Variants in LRFN2 observed in about 807,000 individuals in gnomAD.
The protein encoded by LRFN2 is leucine rich repeat and fibronectin type III domain containing 2, also known as leucine-rich repeat and fibronectin type-III domain-containing protein 2.
In LRFN2, 18 loss-of-function variants were observed where a neutral mutation model predicts 37.3. The ratio of observed to expected loss-of-function variants is 0.48; its 90% confidence interval spans 0.33 to 0.72. LRFN2 has a LOEUF of 0.72. LRFN2 is among the 30% of genes least tolerant of loss of function. LRFN2 has a pLI of 0.02. For synonymous variants in LRFN2, 556 were observed against 466.6 expected, an observed-to-expected ratio of 1.19 and a Z score of -2.47; for missense variants, 1,006 against 1,060.7, an observed-to-expected ratio of 0.95 and a Z score of 0.72.
intron 1 of LRFN2, among the ~76,000 whole-genome samples, chr6:40,584,864 C>A (rs1209044156): frequency 6.6e-6 from 1 of 151,996 alleles, no homozygotes; most frequent in African/African-American, 2.4e-5. Flanking sequence ...AGAGCAATTC[C>A]TCCTTCAGTC....
At chr6:40,417,696 G>A (rs1763126440) in intron 2 of LRFN2, among the ~76,000 whole-genome samples, 1 of 152,130 alleles carries the variant, frequency 6.6e-6, no homozygotes, top group Admixed American at 6.5e-5. Flanking sequence ...GAGGTTCCCA[G>A]GCTGGGCAGA....
chr6:40,538,173 G>C (rs169531), intron 1 of LRFN2, among the ~76,000 whole-genome samples: 15,442 of 152,228 alleles, frequency 0.1, 817 homozygotes, highest in South Asian at 0.11. Context: ...TAAATCTCAT[G>C]AACCCTAGGC....
At chr6:40,529,042 A>T (rs1032062286) in intron 1 of LRFN2, among the ~76,000 whole-genome samples, 19 of 152,198 alleles carry the variant, frequency 1.2e-4, no homozygotes, top group Admixed American at 1.1e-3. Flanking sequence ...ATTTGTCCTG[A>T]TCCTCCCTAT....
At position 40,432,236 on chromosome 6, in the gene LRFN2, T is replaced by A. The variant is rs1230335758; in HGVS notation, c.878A>T (p.Gln293Leu). 1 of 1,613,994 alleles carries A rather than the reference T, an allele frequency of 6.2e-7. No individual in the cohort carries two copies. The highest frequency in any genetic ancestry group is 8.5e-7 in the Non-Finnish European group (1 of 1,180,018). ...CAGAACCAGCAACTTGTGTGTGTGCTGGGTGATGAGAGGCGGCTCGCACAC... is the reference window on the plus strand; with the variant it reads ...CAGAACCAGCAACTTGTGTGTGTGCAGGGTGATGAGAGGCGGCTCGCACAC... ...EFVCEPPLIT[Q>L]HTHKLLVLEG... Residue 293 changes from glutamine (Q) to leucine (L), a missense_variant, in exon 2 of 3, where the codon CAG becomes CTG. By Grantham distance (113) the Gln-to-Leu change is moderately radical. This residue lies in a region of LRFN2 where 303 missense variants were observed against 299.8 expected (regional missense o/e 1.01). Coordinates refer to ENST00000338305, the MANE Select transcript of LRFN2 (RefSeq NM_020737.3).
At chr6:40,433,823 AG>A (rs1172327289) in intron 1 of LRFN2, among the ~76,000 whole-genome samples, 5 of 152,142 alleles carry the variant, frequency 3.3e-5, no homozygotes, top group East Asian at 3.9e-4. Context: ...TGGGAGGCAA[AG>A]GAGTGAATTC....
intron 1 of LRFN2, among the ~76,000 whole-genome samples, chr6:40,454,978 G>T (rs750192597): frequency 6.6e-6 from 1 of 152,106 alleles, no homozygotes; most frequent in African/African-American, 2.4e-5. Context: ...TTTTTGAAAG[G>T]TTTCTCTTAG....
chr6:40,482,574 T>C (rs1032596402), intron 1 of LRFN2, among the ~76,000 whole-genome samples: 1 of 152,224 alleles, frequency 6.6e-6, no homozygotes, highest in East Asian at 1.9e-4. Context: ...CTTTTTTAAA[T>C]TTCTTTTTCT....
intron 1 of LRFN2, among the ~76,000 whole-genome samples, chr6:40,562,391 G>C (rs767240289): frequency 2.1e-4 from 32 of 152,046 alleles, no homozygotes; most frequent in Non-Finnish European, 3.7e-4. Context: ...GGGGTTGGAT[G>C]AGTAGGAATA....
At chr6:40,568,655 TG>T (rs1254702134) in intron 1 of LRFN2, among the ~76,000 whole-genome samples, 1 of 151,766 alleles carries the variant, frequency 6.6e-6, no homozygotes, top group African/African-American at 2.4e-5. Flanking sequence ...TTATTCCCAG[TG>T]TCACTGGGTT....
intron 1 of LRFN2, among the ~76,000 whole-genome samples, chr6:40,523,080 C>A (rs967097964): frequency 2.0e-5 from 3 of 152,158 alleles, no homozygotes; most frequent in African/African-American, 7.2e-5. Flanking sequence ...TAGGTGTGAG[C>A]TTTCCTTTTG....
chr6:40,556,023 C>T (rs768736666), intron 1 of LRFN2, among the ~76,000 whole-genome samples: 23 of 152,354 alleles, frequency 1.5e-4, no homozygotes, highest in Non-Finnish European at 3.1e-4. Context: ...GGAGAATGCA[C>T]TCTGTTCCAG....
At chr6:40,543,185 G>A (rs560874846) in intron 1 of LRFN2, among the ~76,000 whole-genome samples, 1 of 152,190 alleles carries the variant, frequency 6.6e-6, no homozygotes, top group African/African-American at 2.4e-5. Context: ...ATGCATGAAC[G>A]CCTTCCGACT....
At chr6:40,543,106 G>A (rs1043665627) in intron 1 of LRFN2, among the ~76,000 whole-genome samples, 5 of 152,258 alleles carry the variant, frequency 3.3e-5, no homozygotes, top group Non-Finnish European at 5.9e-5. Flanking sequence ...ATATTCTGAA[G>A]TAATCTTGAA....
chr6:40,446,554 G>A (rs1305671831), intron 1 of LRFN2, among the ~76,000 whole-genome samples: 1 of 152,200 alleles, frequency 6.6e-6, no homozygotes, highest in East Asian at 1.9e-4. Flanking sequence ...TGTCACTAGG[G>A]CTAAGTGTAT....
chr6:40,466,273 G>C (rs985918328), intron 1 of LRFN2, among the ~76,000 whole-genome samples: 2 of 152,184 alleles, frequency 1.3e-5, no homozygotes, highest in Non-Finnish European at 2.9e-5. Flanking sequence ...ATAAAGGGAG[G>C]GAAAAGCAGG....
chr6:40,441,193 G>A (rs1445298649), intron 1 of LRFN2, among the ~76,000 whole-genome samples: 1 of 152,186 alleles, frequency 6.6e-6, no homozygotes, highest in Non-Finnish European at 1.5e-5. Context: ...GGGCTGTGCG[G>A]CACTCGCCGT....
intron 1 of LRFN2, among the ~76,000 whole-genome samples, chr6:40,473,761 C>T (rs9462625): frequency 0.014 from 2,076 of 152,174 alleles, 50 homozygotes; most frequent in African/African-American, 0.047. Flanking sequence ...CAAGCCTCGG[C>T]GTATGATGTT....
At chr6:40,555,896 A>C (rs756485163) in intron 1 of LRFN2, among the ~76,000 whole-genome samples, 15 of 152,226 alleles carry the variant, frequency 9.9e-5, no homozygotes, top group Non-Finnish European at 1.8e-4. Flanking sequence ...CTTATCTGGC[A>C]GTGACTGTTT....
In LRFN2 at chr6:40,447,505, G is replaced by A. The variant is rs537295398; in HGVS notation, c.-18-14374C>T. Among the ~76,000 whole-genome samples the A allele has an allele frequency of 7.2e-5, 11 of 152,296 alleles. No homozygotes were observed. In the South Asian group the frequency reaches 2.1e-3, roughly 29 times the overall value. ...GACCTGAGTTTAGAATCTTTAACAA[G>A]TTTGTTCCCAAACCTTTATTTTTCT... On this transcript the variant is annotated intron_variant, in intron 1 of 2. Transcript: ENST00000338305.
Sources: gnomAD v4.1 joint callset for allele counts (sites outside exome capture counted in the v4.1 genomes callset) on GRCh38, gnomAD v4.1.1 for gene constraint, gnomAD v4.1.1 regional missense constraint, MANE v1.5 for transcripts, NCBI Gene and HGNC (gene_info 2026-07-23, HGNC 2026-07-21) for gene names.